The following GNA14 variants were observed in gnomAD, a reference collection of about 807,000 sequenced individuals.
GNA14 encodes guanine nucleotide-binding protein subunit alpha-14.
Under a neutral mutation model 42.0 loss-of-function variants are expected in GNA14, and 50 were observed. The observed-to-expected ratio is 1.19, with a 90% CI of 0.95 to 1.51. The LOEUF (loss-of-function observed/expected upper bound fraction) is 1.51. GNA14 is among the 40% of genes most tolerant of loss of function. The pLI, the probability that GNA14 is intolerant of heterozygous loss-of-function variation, is 0.00. For synonymous variants in GNA14, 173 were observed against 163.1 expected, an observed-to-expected ratio of 1.06 and a Z score of -0.46; for missense variants, 473 against 446.2, an observed-to-expected ratio of 1.06 and a Z score of -0.54.
intron 1 of GNA14, among the ~76,000 whole-genome samples, chr9:77,610,002 G>A (rs1214723626): frequency 6.6e-6 from 1 of 152,164 alleles, no homozygotes; most frequent in Non-Finnish European, 1.5e-5. Context: ...GATATTAAAA[G>A]TCAACACCAC....
chr9:77,434,960 C>A (rs1035002995), intron 2 of GNA14, among the ~76,000 whole-genome samples: 2 of 151,688 alleles, frequency 1.3e-5, no homozygotes, highest in Admixed American at 6.6e-5. Flanking sequence ...AACTGGTCCA[C>A]CTGGTACAGG....
intron 1 of GNA14, among the ~76,000 whole-genome samples, chr9:77,619,614 T>C (rs1228560030): frequency 5.3e-5 from 8 of 152,200 alleles, no homozygotes; most frequent in Non-Finnish European, 1.0e-4. Context: ...CATCTTTCTT[T>C]AGCTCAGTTT....
intron 2 of GNA14, among the ~76,000 whole-genome samples, chr9:77,446,624 G>A (rs1385096735): frequency 1.3e-5 from 2 of 152,142 alleles, no homozygotes; most frequent in Admixed American, 6.5e-5. Flanking sequence ...GAGGGAGAGT[G>A]AAGGAGAAGG....
At chr9:77,474,865 A>C (rs562512963) in intron 2 of GNA14, among the ~76,000 whole-genome samples, 1 of 151,682 alleles carries the variant, frequency 6.6e-6, no homozygotes, top group Non-Finnish European at 1.5e-5. Flanking sequence ...AAGCCTTAAG[A>C]ACATTATGCT....
At chr9:77,646,129 C>G (rs1824347376) in intron 1 of GNA14, among the ~76,000 whole-genome samples, 4 of 152,174 alleles carry the variant, frequency 2.6e-5, no homozygotes, top group Admixed American at 2.6e-4. Context: ...AACAGAGCCC[C>G]TTCCCTTCCC....
At position 77,424,182 on chromosome 9, in the gene GNA14, G is replaced by A. The variant is rs1246090192; in HGVS notation, c.878-13C>T. The A allele has an allele frequency of 6.3e-7, 1 of 1,578,410 alleles. No homozygotes were observed. Among genetic ancestry groups the A allele is most frequent in the Non-Finnish European group, 8.7e-7 (1 of 1,154,686 alleles). ...TCCTGTTTCGGTCCTAGTCACAAGT[G>A]CAATTACAGGAATAAAGACACAGAC... is the stretch of plus-strand genomic sequence containing the variant. On this transcript the variant is annotated splice_polypyrimidine_tract_variant and intron_variant, in intron 6 of 6. Coordinates refer to ENST00000341700, the MANE Select transcript of GNA14 (RefSeq NM_004297.4).
At chr9:77,529,621 G>A (rs968207269) in intron 1 of GNA14, among the ~76,000 whole-genome samples, 1 of 152,174 alleles carries the variant, frequency 6.6e-6, no homozygotes, top group Non-Finnish European at 1.5e-5. Context: ...ACACTTGGAG[G>A]AGAGAAAAAG....
At chr9:77,470,807 G>C (rs1325301604) in intron 2 of GNA14, among the ~76,000 whole-genome samples, 1 of 152,084 alleles carries the variant, frequency 6.6e-6, no homozygotes, top group Non-Finnish European at 1.5e-5. Flanking sequence ...AAAGAGAAGG[G>C]GAAGCAAGCA....
At chr9:77,474,584 T>C (rs1207914119) in intron 2 of GNA14, among the ~76,000 whole-genome samples, 2 of 152,322 alleles carry the variant, frequency 1.3e-5, no homozygotes, top group Admixed American at 1.3e-4. Context: ...TGAAAAATAG[T>C]TTGACATTTC....
chr9:77,485,744 C>T (rs554030755), intron 2 of GNA14, among the ~76,000 whole-genome samples: 12 of 152,224 alleles, frequency 7.9e-5, no homozygotes, highest in Non-Finnish European at 1.5e-4. Flanking sequence ...TCCATCAGAG[C>T]GCTTAGGTGA....
chr9:77,468,872 T>C (rs1039283569), intron 2 of GNA14, among the ~76,000 whole-genome samples: 61 of 152,252 alleles, frequency 4.0e-4, no homozygotes, highest in African/African-American at 1.4e-3. Flanking sequence ...TCTAGGTCAC[T>C]GAGACTTGAG....
At chr9:77,616,318 T>G (rs1823817001) in intron 1 of GNA14, among the ~76,000 whole-genome samples, 1 of 152,196 alleles carries the variant, frequency 6.6e-6, no homozygotes, top group Admixed American at 6.5e-5. Flanking sequence ...TTGGTGATAC[T>G]CAAAAGATTT....
intron 1 of GNA14, among the ~76,000 whole-genome samples, chr9:77,595,075 A>G (rs1354128630): frequency 2.0e-5 from 3 of 152,130 alleles, no homozygotes; most frequent in African/African-American, 7.2e-5. Context: ...CTTGCTTGGC[A>G]CTGGTTACAG....
chr9:77,521,715 T>C (rs961492198), intron 2 of GNA14, among the ~76,000 whole-genome samples: 2 of 152,250 alleles, frequency 1.3e-5, no homozygotes, highest in African/African-American at 4.8e-5. Flanking sequence ...AGATGTTTGA[T>C]GCTTATGTTT....
intron 1 of GNA14, among the ~76,000 whole-genome samples, chr9:77,599,416 G>C (rs1248046517): frequency 6.6e-6 from 1 of 152,230 alleles, no homozygotes; most frequent in Non-Finnish European, 1.5e-5. Context: ...GAGCATCCCT[G>C]TAAGGGATAA....
chr9:77,481,028 T>C (rs1003390829), intron 2 of GNA14, among the ~76,000 whole-genome samples: 1 of 151,960 alleles, frequency 6.6e-6, no homozygotes, highest in Non-Finnish European at 1.5e-5. Flanking sequence ...TTTTGAAGGG[T>C]TTTTTGTGTC....
At chr9:77,490,258 T>C (rs1564030005) in intron 2 of GNA14, among the ~76,000 whole-genome samples, 1 of 152,222 alleles carries the variant, frequency 6.6e-6, no homozygotes, top group Non-Finnish European at 1.5e-5. Context: ...GTGTTTACAA[T>C]CCCTGAGCTA....
At chr9:77,494,466 T>A (rs1041036106) in intron 2 of GNA14, among the ~76,000 whole-genome samples, 1 of 151,842 alleles carries the variant, frequency 6.6e-6, no homozygotes, top group Non-Finnish European at 1.5e-5. Context: ...AAAAAAAAAA[T>A]TGGGAAACAC....
intron 1 of GNA14, among the ~76,000 whole-genome samples, chr9:77,538,257 A>G (rs1442631976): frequency 1.3e-5 from 2 of 152,078 alleles, no homozygotes; most frequent in Non-Finnish European, 2.9e-5. Flanking sequence ...ATTTTTTTAT[A>G]GAGACAGCAT....
Sources: gnomAD v4.1 joint callset for allele counts (sites outside exome capture counted in the v4.1 genomes callset) on GRCh38, gnomAD v4.1.1 for gene constraint, MANE v1.5 for transcripts, NCBI Gene and HGNC (gene_info 2026-07-23, HGNC 2026-07-21) for gene names.